The following KDM4F variants were observed in gnomAD, a reference collection of about 807,000 sequenced individuals.
The protein encoded by KDM4F is lysine demethylase 4F.
For synonymous variants in KDM4F, 223 were observed against 184.4 expected (o/e 1.21, Z -1.70); for missense variants, 586 against 496.4 (o/e 1.18, Z -1.71).
chr11:95,049,759 A>G (rs28412010), exon 1 of KDM4F: 49,107 of 1,568,656 alleles, frequency 0.031, 1,013 homozygotes, highest in African/African-American at 0.15. Context: ...CCGCCACACC[A>G]GAATTTTGCA....
At chr11:95,050,841 A>C (rs1387072969) in exon 1 of KDM4F, 3 of 551,704 alleles carry the variant, frequency 5.4e-6, no homozygotes. Context: ...TCCAGGCCGC[A>C]AACCTCAGCT....
chr11:95,049,756 A>T, exon 1 of KDM4F: 1 of 1,605,028 alleles, frequency 6.2e-7, no homozygotes, highest in Non-Finnish European at 8.5e-7. Context: ...ACTCCGCCAC[A>T]CCAGAATTTT....
At chr11:95,050,141 G>A (rs1257192181) in exon 1 of KDM4F, 18 of 1,551,222 alleles carry the variant, frequency 1.2e-5, no homozygotes, top group South Asian at 1.0e-4. Flanking sequence ...GCTTCCTGCG[G>A]CACAAGGTGG....
At chr11:95,050,082 G>T in the KDM4F span, 3,954 of 1,597,878 alleles carry the variant, frequency 2.5e-3, 80 homozygotes, top group East Asian at 0.042. Context: ...TCAGCGCCTG[G>T]AATGCCTGGC....
At chr11:95,050,616 A>G (rs1240047952) in exon 1 of KDM4F, 1 of 632,980 alleles carries the variant, frequency 1.6e-6, no homozygotes, top group Non-Finnish European at 2.8e-6. Context: ...GGGCGGTGGT[A>G]CCGATGCTGT....
At chr11:95,050,420 G>T in exon 1 of KDM4F, 1 of 846,790 alleles carries the variant, frequency 1.2e-6, no homozygotes. Context: ...ATGAGCTCTG[G>T]AAACACAGGC....
exon 1 of KDM4F, chr11:95,049,961 C>G (rs1369995528): frequency 6.2e-7 from 1 of 1,614,108 alleles, no homozygotes; most frequent in Non-Finnish European, 8.5e-7. Context: ...TGTACTTTGG[C>G]ATGTGGAAGA....
chr11:95,050,470 C>T, exon 1 of KDM4F: 1 of 749,378 alleles, frequency 1.3e-6, no homozygotes, highest in Non-Finnish European at 2.4e-6. Context: ...CCCAGGGTTG[C>T]AGAAAGCCAA....
chr11:95,051,066 A>G (rs972094907), exon 1 of KDM4F: 1 of 412,382 alleles, frequency 2.4e-6, no homozygotes, highest in Non-Finnish European at 4.2e-6. Flanking sequence ...GACTCCTCCC[A>G]GTGTCACTGT....
chr11:95,051,218 C>T (rs781896761), exon 1 of KDM4F: 27 of 398,776 alleles, frequency 6.8e-5, no homozygotes, highest in Non-Finnish European at 1.1e-4. Flanking sequence ...GGGCCCCTGA[C>T]TCATCTGCTG....
exon 1 of KDM4F, chr11:95,050,997 G>C (rs1858506283): frequency 4.5e-6 from 2 of 443,088 alleles, no homozygotes; most frequent in African/African-American, 2.0e-5. Flanking sequence ...CATGCACCCT[G>C]GCCCCTGCCT....
chr11:95,050,537 G>T (rs2134139882), exon 1 of KDM4F: 1 of 698,618 alleles, frequency 1.4e-6, no homozygotes, highest in Non-Finnish European at 2.6e-6. Context: ...TGGGCCTGAG[G>T]CATCTCCGGA....
At chr11:95,049,955 C>T in exon 1 of KDM4F, 1 of 1,614,224 alleles carries the variant, frequency 6.2e-7, no homozygotes, top group Non-Finnish European at 8.5e-7. Context: ...CCTACCTGTA[C>T]TTTGGCATGT....
Position 95,050,166 on chromosome 11 carries a change from A to G in KDM4F, c.745A>G (p.Thr249Ala). Residue 249 changes from threonine (T) to alanine (A), a missense_variant, in exon 1 of 1, where the codon ACA becomes GCA. Coordinates refer to ENST00000545950, the Ensembl canonical transcript of KDM4F. ...GCACAAGGTGGCCCTCATCTCGCCT[A>G]CAGTTCTCAAAAAGAATGGGATCCC... 2.6e-6 allele frequency: 4 copies of G among 1,546,324 alleles called. No homozygotes were observed. The Middle Eastern group carries it at 6.8e-4, about 263-fold the overall frequency.
At chr11:95,049,917 G>A in exon 1 of KDM4F, 1 of 1,612,832 alleles carries the variant, frequency 6.2e-7, no homozygotes, top group Admixed American at 1.7e-5. Context: ...GCAGGAATGT[G>A]GGGTTGTCAT....
chr11:95,051,211 C>G, exon 1 of KDM4F: 1 of 398,908 alleles, frequency 2.5e-6, no homozygotes, highest in East Asian at 3.6e-5. Flanking sequence ...ATCTCCTGGG[C>G]CCCTGACTCA....
At chr11:95,050,427 A>C (rs1046472336) in exon 1 of KDM4F, 9 of 831,400 alleles carry the variant, frequency 1.1e-5, no homozygotes, top group Non-Finnish European at 1.7e-5. Flanking sequence ...CTGGAAACAC[A>C]GGCAAGACTT....
At chr11:95,050,503 A>C in exon 1 of KDM4F, 1 of 716,098 alleles carries the variant, frequency 1.4e-6, no homozygotes, top group East Asian at 2.7e-5. Context: ...TGGAGGGAGG[A>C]CATAGCACTT....
At chr11:95,050,789 T>G (rs1858504038) in exon 1 of KDM4F, 6 of 628,582 alleles carry the variant, frequency 9.5e-6, no homozygotes, top group South Asian at 1.9e-5. Flanking sequence ...CTGTTCAGTC[T>G]GCAGCTAAGA....
Sources: gnomAD v4.1 joint callset for allele counts on GRCh38, gnomAD v4.1.1 for gene constraint, MANE v1.5 for transcripts, NCBI Gene and HGNC (gene_info 2026-07-23, HGNC 2026-07-21) for gene names.